The following ASCC3 variants were observed in gnomAD, a reference collection of about 807,000 sequenced individuals.
ASCC3 encodes ASC-1 complex subunit P200.
Under a neutral mutation model 256.3 loss-of-function variants are expected in ASCC3, and 158 were observed. The ratio of observed to expected loss-of-function variants is 0.62; its 90% CI spans 0.54 to 0.70. The LOEUF is 0.70. ASCC3 is among the 30% of genes least tolerant of loss of function. The pLI is 0.00. For missense variants in ASCC3, 2,259 were observed against 2,626.0 expected (o/e 0.86, Z 3.05); for synonymous variants, 948 against 883.4 (o/e 1.07, Z -1.30).
chr6:100,682,124 C>G (rs1006498994), intron 13 of ASCC3, among the ~76,000 whole-genome samples: 5 of 151,942 alleles, frequency 3.3e-5, no homozygotes, highest in Non-Finnish European at 7.4e-5. Context: ...TTTTTTTTCT[C>G]TAATATAAAA....
intron 14 of ASCC3, among the ~76,000 whole-genome samples, chr6:100,669,291 T>G (rs758515790): frequency 1.0e-4 from 15 of 149,532 alleles, no homozygotes; most frequent in African/African-American, 3.6e-4. Context: ...TAAAAATATA[T>G]TTTATAAAAG....
chr6:100,675,511 C>T (rs1270720445), intron 14 of ASCC3, among the ~76,000 whole-genome samples: 2 of 152,072 alleles, frequency 1.3e-5, no homozygotes, highest in Non-Finnish European at 2.9e-5. Context: ...GCATTAATTC[C>T]AGTTGCCATT....
intron 40 of ASCC3, among the ~76,000 whole-genome samples, chr6:100,511,781 AC>A (rs1773776356): frequency 6.6e-6 from 1 of 152,144 alleles, no homozygotes; most frequent in African/African-American, 2.4e-5. Flanking sequence ...ACACTGACAG[AC>A]TTTTTTAGAA....
rs545333334 is a variant in ASCC3, at chr6:100,564,240, A to G, written c.5551-23853T>C. 2.3e-3 allele frequency among the ~76,000 whole-genome samples: 354 copies of G among 151,914 alleles called. 2 individuals are homozygous for G. The highest frequency in any genetic ancestry group is 3.4e-3 in the Middle Eastern group (1 of 292). On this transcript the variant is annotated intron_variant, in intron 36 of 41. Coordinates refer to ENST00000369162, the MANE Select transcript of ASCC3 (RefSeq NM_006828.4). ...ACATTCTAGGTCTTCTCTTCTAACT[A>G]TTTGAAATATACGATAAATTCTTGT...
intron 13 of ASCC3, among the ~76,000 whole-genome samples, chr6:100,685,934 C>A (rs1777548129): frequency 6.6e-6 from 1 of 152,252 alleles, no homozygotes; most frequent in South Asian, 2.1e-4. Flanking sequence ...AGTCATCTGA[C>A]CACATTCTTA....
chr6:100,650,788 T>C (rs911358771), intron 19 of ASCC3, 74 bp from the exon 20 acceptor site: 40 of 1,159,846 alleles, frequency 3.4e-5, no homozygotes, highest in Middle Eastern at 2.8e-4. Context: ...ATTAAATACA[T>C]TGCATGTTTT....
At chr6:100,825,144 G>A (rs560105780) in intron 4 of ASCC3, among the ~76,000 whole-genome samples, 2 of 152,164 alleles carry the variant, frequency 1.3e-5, no homozygotes, top group African/African-American at 4.8e-5. Flanking sequence ...TGAAGAGCCT[G>A]TTTATAGGAT....
At chr6:100,852,118 A>G (rs920231597) in intron 3 of ASCC3, among the ~76,000 whole-genome samples, 1 of 152,246 alleles carries the variant, frequency 6.6e-6, no homozygotes, top group African/African-American at 2.4e-5. Flanking sequence ...GATGCACCAC[A>G]GCTTGCTGGT....
At chr6:100,563,954 T>C (rs1040968557) in intron 36 of ASCC3, among the ~76,000 whole-genome samples, 7 of 152,104 alleles carry the variant, frequency 4.6e-5, no homozygotes, top group African/African-American at 1.2e-4. Context: ...TAGAGGAGCA[T>C]GGATCTTAGG....
intron 37 of ASCC3, chr6:100,531,099 A>C: frequency 8.3e-7 from 1 of 1,204,830 alleles, no homozygotes; most frequent in Non-Finnish European, 1.2e-6. Context: ...CAATAAATAC[A>C]ACAGAAAATT....
intron 4 of ASCC3, among the ~76,000 whole-genome samples, chr6:100,828,195 T>C (rs1317405230): frequency 6.6e-6 from 1 of 151,446 alleles, no homozygotes; most frequent in Non-Finnish European, 1.5e-5. Context: ...TATTTAACAA[T>C]GCAATCATTT....
At chr6:100,607,273 T>C (rs1211287187) in intron 30 of ASCC3, among the ~76,000 whole-genome samples, 185 bp from the exon 31 acceptor site, 1 of 152,098 alleles carries the variant, frequency 6.6e-6, no homozygotes, top group African/African-American at 2.4e-5. Context: ...TGAGAATATA[T>C]ACTCTAAACA....
At chr6:100,601,744 T>C (rs1386812565) in intron 34 of ASCC3, 66 bp downstream of exon 34, 5 of 1,579,828 alleles carry the variant, frequency 3.2e-6, no homozygotes, top group East Asian at 4.5e-5. Context: ...ATTTGGAGTT[T>C]ATTACTTTCA....
intron 10 of ASCC3, among the ~76,000 whole-genome samples, chr6:100,762,913 T>A (rs978120425): frequency 6.6e-6 from 1 of 152,132 alleles, no homozygotes; most frequent in African/African-American, 2.4e-5. Context: ...TAAAAAAAGA[T>A]TAACAATACG....
intron 16 of ASCC3, among the ~76,000 whole-genome samples, chr6:100,658,277 T>C (rs1776016151): frequency 6.6e-6 from 1 of 151,402 alleles, no homozygotes; most frequent in African/African-American, 2.4e-5. Flanking sequence ...AAGAGAAAAA[T>C]AAAATCCCCC....
At position 100,872,190 on chromosome 6, in the gene ASCC3, C is replaced by T. The variant is rs185600618; in HGVS notation, c.-41-4152G>A. Reference sequence around the variant, plus strand: ...ATTAATACTGTGCCTCTGGCATGGTCTTACAAATTAATGGGGTACTTGGGA... The same window carrying T: ...ATTAATACTGTGCCTCTGGCATGGTTTTACAAATTAATGGGGTACTTGGGA... On this transcript the variant is annotated intron_variant, in intron 1 of 41. Coordinates refer to ENST00000369162, the MANE Select transcript of ASCC3 (RefSeq NM_006828.4). Among the ~76,000 whole-genome samples the T allele has an allele frequency of 1.4e-3, 215 of 152,248 alleles. 2 individuals are homozygous for T. Among genetic ancestry groups the T allele is most frequent in the Admixed American group, 4.7e-3 (72 of 15,296 alleles).
intron 10 of ASCC3, among the ~76,000 whole-genome samples, chr6:100,740,165 A>T (rs760377155): frequency 4.5e-4 from 68 of 152,100 alleles, no homozygotes; most frequent in Admixed American, 4.2e-3. Context: ...GAACTTCTTG[A>T]TTTCTGCCTT....
At chr6:100,560,803 C>A (rs1769901747) in intron 36 of ASCC3, among the ~76,000 whole-genome samples, 1 of 141,908 alleles carries the variant, frequency 7.0e-6, no homozygotes, top group Admixed American at 7.1e-5. Context: ...GCACACATAA[C>A]AGGCAAGCAC....
At chr6:100,525,188 GAAAGAA>G (rs970452301) in intron 37 of ASCC3, among the ~76,000 whole-genome samples, 12 of 113,994 alleles carry the variant, frequency 1.1e-4, no homozygotes, top group East Asian at 7.5e-4. Context: ...AAAAAAGAAA[GAAAGAA>G]AAAGAAAAAG....
Sources: allele counts gnomAD v4.1 joint callset (sites outside exome capture counted in the v4.1 genomes callset), GRCh38; gene constraint gnomAD v4.1.1; transcripts MANE v1.5; gene names NCBI Gene and HGNC (gene_info 2026-07-23, HGNC 2026-07-21).